SUPT3H: variants seen among roughly 807,000 people sequenced by gnomAD.
The protein encoded by SUPT3H is SPT3 homolog, SAGA and STAGA complex component.
A neutral mutation model predicts 44.3 loss-of-function variants in SUPT3H; 44 were observed. The observed-to-expected ratio is 0.99, with a 90% CI of 0.78 to 1.28. SUPT3H has a LOEUF of 1.28. Among genes scored for constraint, SUPT3H ranks in the 50% most tolerant of loss-of-function variants. The probability of loss-of-function intolerance (pLI) is 0.00; values close to 1 mark genes in which losing one functional copy is unlikely to be tolerated. For synonymous variants in SUPT3H, 124 were observed against 125.6 expected, an observed-to-expected ratio of 0.99 and a Z score of 0.09; for missense variants, 380 against 387.1, an observed-to-expected ratio of 0.98 and a Z score of 0.15.
At chr6:44,962,950 C>G (rs539094870) in intron 6 of SUPT3H, among the ~76,000 whole-genome samples, 9 of 151,834 alleles carry the variant, frequency 5.9e-5, no homozygotes, top group Non-Finnish European at 1.2e-4. Flanking sequence ...TCCCACACAT[C>G]CACATACTCA....
intron 2 of SUPT3H, among the ~76,000 whole-genome samples, chr6:45,337,808 C>T (rs891027374): frequency 2.0e-5 from 3 of 151,888 alleles, no homozygotes; most frequent in African/African-American, 4.8e-5. Context: ...ATATTAAATA[C>T]ATATTAAATA....
chr6:45,197,456 C>G (rs1310367486), intron 2 of SUPT3H, among the ~76,000 whole-genome samples: 2 of 151,256 alleles, frequency 1.3e-5, no homozygotes, highest in Admixed American at 6.6e-5. Flanking sequence ...GTGCATTTAA[C>G]CAATAAACAT....
chr6:44,938,026 C>T (rs1771771802), intron 9 of SUPT3H, among the ~76,000 whole-genome samples: 1 of 150,066 alleles, frequency 6.7e-6, no homozygotes. Flanking sequence ...TCTCCTGCCT[C>T]AGCCTCCTGT....
In SUPT3H at chr6:45,276,200, A is replaced by G. The variant is rs560467238; in HGVS notation, c.101+89001T>C. 2.0e-5 allele frequency among the ~76,000 whole-genome samples: 3 copies of G among 152,144 alleles called. No homozygotes were observed. In the South Asian group the frequency reaches 6.2e-4, roughly 31 times the overall value. ...TAAAAGCCTAAAAAGTTTACTAAAA[A>G]CAGTGTTTGAATAAACACACTCTGC... On this transcript the variant is annotated intron_variant, in intron 2 of 10. Transcript: ENST00000371459.
chr6:44,877,798 T>G (rs1352915063), intron 10 of SUPT3H, among the ~76,000 whole-genome samples: 2 of 152,238 alleles, frequency 1.3e-5, no homozygotes, highest in Non-Finnish European at 2.9e-5. Flanking sequence ...AATTCCATTA[T>G]CAGTGAAGTC....
intron 2 of SUPT3H, among the ~76,000 whole-genome samples, chr6:45,284,682 C>T (rs558781450): frequency 6.6e-6 from 1 of 152,298 alleles, no homozygotes; most frequent in South Asian, 2.1e-4. Context: ...AGAGCTGGTA[C>T]CATTCCTTCT....
intron 2 of SUPT3H, among the ~76,000 whole-genome samples, chr6:45,128,533 A>AAAAAAATATATAT (rs1554257896): frequency 1.9e-5 from 1 of 52,252 alleles, no homozygotes; most frequent in Non-Finnish European, 3.4e-5. Flanking sequence ...AAAAAAAAAA[A>AAAAAAATATATAT]ATATATATAT....
intron 2 of SUPT3H, among the ~76,000 whole-genome samples, chr6:45,231,739 T>C (rs1351180399): frequency 6.6e-6 from 1 of 152,240 alleles, no homozygotes; most frequent in Non-Finnish European, 1.5e-5. Context: ...CTCATACATT[T>C]GATCACTATG....
chr6:45,137,997 AG>A (rs1804589838), intron 2 of SUPT3H, among the ~76,000 whole-genome samples: 1 of 152,270 alleles, frequency 6.6e-6, no homozygotes, highest in East Asian at 1.9e-4. Context: ...GAATATAAAA[AG>A]AACACATAAA....
rs190517122 is a variant in SUPT3H at position 44,903,586 on chromosome 6, G to A, written c.912+29067C>T. Among the ~76,000 whole-genome samples the A allele has an allele frequency of 4.6e-5, 7 of 152,226 alleles. No homozygotes were observed. In the East Asian group the frequency reaches 7.7e-4, roughly 17 times the overall value. ...TCCAGGACCAGATGGATTCACAGCCGAATTCTACCAGAGGTACAAGTAGGA... is the reference window on the plus strand; with the variant it reads ...TCCAGGACCAGATGGATTCACAGCCAAATTCTACCAGAGGTACAAGTAGGA... On this transcript the variant is annotated intron_variant, in intron 10 of 10. Coordinates refer to ENST00000371459, the MANE Select transcript of SUPT3H (RefSeq NM_003599.4).
intron 6 of SUPT3H, among the ~76,000 whole-genome samples, chr6:44,981,661 C>T (rs534722877): frequency 6.6e-6 from 1 of 152,256 alleles, no homozygotes; most frequent in South Asian, 2.1e-4. Context: ...ACCTCTAACA[C>T]AAGATGGGAC....
chr6:45,000,837 T>A (rs1215805417), intron 6 of SUPT3H, among the ~76,000 whole-genome samples: 2 of 152,096 alleles, frequency 1.3e-5, no homozygotes, highest in Non-Finnish European at 2.9e-5. Flanking sequence ...TAATCCTTGC[T>A]CTCTTGTTTA....
At chr6:45,068,995 A>AAAAAT (rs1274194915) in intron 3 of SUPT3H, among the ~76,000 whole-genome samples, 2 of 152,020 alleles carry the variant, frequency 1.3e-5, no homozygotes, top group African/African-American at 2.4e-5. Flanking sequence ...AAAAAATAAA[A>AAAAAT]AAAATAAAAT....
rs73738606 is a variant in SUPT3H at position 45,130,067 on chromosome 6, T to C, written c.102-24061A>G. On this transcript the variant is annotated intron_variant, in intron 2 of 10. Transcript: ENST00000371459. ...AAATTCACCCATTTAAAGTGTACAG[T>C]TTAGTAGGTTTCTGGACATTCACAG... Among the ~76,000 whole-genome samples the C allele has an allele frequency of 6.0e-3, 919 of 152,294 alleles. 14 individuals are homozygous for C. Among genetic ancestry groups the C allele is most frequent in the African/African-American group, 0.021 (877 of 41,564 alleles).
At chr6:45,175,171 A>G (rs1487021271) in intron 2 of SUPT3H, among the ~76,000 whole-genome samples, 4 of 151,910 alleles carry the variant, frequency 2.6e-5, no homozygotes, top group Non-Finnish European at 4.4e-5. Flanking sequence ...TATATACCGT[A>G]TATGTTTGCA....
intron 2 of SUPT3H, among the ~76,000 whole-genome samples, chr6:45,230,920 C>A (rs1767918655): frequency 6.6e-6 from 1 of 151,852 alleles, no homozygotes; most frequent in East Asian, 1.9e-4. Flanking sequence ...ATCTGCCTGC[C>A]TCGGCCTCCC....
chr6:45,015,918 C>T (rs950716423), intron 4 of SUPT3H, among the ~76,000 whole-genome samples: 2 of 151,968 alleles, frequency 1.3e-5, no homozygotes, highest in South Asian at 4.1e-4. Flanking sequence ...ATGCATGGAA[C>T]TGTCAGCTCC....
intron 10 of SUPT3H, among the ~76,000 whole-genome samples, chr6:44,896,668 A>T (rs140443696): frequency 3.7e-4 from 56 of 152,304 alleles, no homozygotes; most frequent in Admixed American, 5.9e-4. Flanking sequence ...TTTTAAACAC[A>T]TCTCCTTACT....
chr6:44,881,668 C>T (rs1232126488), intron 10 of SUPT3H, among the ~76,000 whole-genome samples: 4 of 152,042 alleles, frequency 2.6e-5, no homozygotes, highest in African/African-American at 4.8e-5. Context: ...TGCAAGAGAA[C>T]GGAAATCATA....
Sources: allele counts gnomAD v4.1 joint callset (sites outside exome capture counted in the v4.1 genomes callset), GRCh38; gene constraint gnomAD v4.1.1; transcripts MANE v1.5; gene names NCBI Gene and HGNC (gene_info 2026-07-23, HGNC 2026-07-21).